Variants in EYS observed in about 807,000 individuals in gnomAD.
The protein encoded by EYS is EGF-like photoreceptor maintenance factor.
In EYS, 250 loss-of-function variants were observed where a neutral mutation model predicts 282.1. That is an observed-to-expected ratio of 0.89 (90% CI 0.80 to 0.98). The LOEUF (loss-of-function observed/expected upper bound fraction) is 0.98. Among genes scored for constraint, EYS ranks in the 50% least tolerant of loss-of-function variants. EYS has a pLI of 0.00. For missense variants in EYS, 4,016 were observed against 3,709.0 expected (o/e 1.08, Z -2.15); for synonymous variants, 1,355 against 1,282.9 (o/e 1.06, Z -1.20).
At chr6:65,155,006 C>A (rs1432309368) in intron 12 of EYS, among the ~76,000 whole-genome samples, 1 of 151,392 alleles carries the variant, frequency 6.6e-6, no homozygotes, top group African/African-American at 2.4e-5. Context: ...AAAATAAGCT[C>A]ATATAATACA....
At chr6:64,980,089 G>T (rs755659798) in intron 14 of EYS, among the ~76,000 whole-genome samples, 10 of 151,288 alleles carry the variant, frequency 6.6e-5, no homozygotes, top group Admixed American at 4.0e-4. Flanking sequence ...TAAAAGAAAA[G>T]GAAAGAAATA....
chr6:65,227,785 GACA>G (rs1338399923), intron 12 of EYS, among the ~76,000 whole-genome samples: 1 of 151,972 alleles, frequency 6.6e-6, no homozygotes, highest in African/African-American at 2.4e-5. Context: ...AATGAACTTA[GACA>G]ACATTATGCT....
At chr6:64,327,121 G>A (rs761856026) in intron 29 of EYS, among the ~76,000 whole-genome samples, 3 of 152,070 alleles carry the variant, frequency 2.0e-5, no homozygotes, top group Non-Finnish European at 2.9e-5. Context: ...GGGGAGGCAC[G>A]GATCTCTTAG....
intron 39 of EYS, among the ~76,000 whole-genome samples, chr6:63,782,953 CTTT>C (rs370852211): frequency 7.2e-6 from 1 of 139,368 alleles, no homozygotes; most frequent in African/African-American, 2.6e-5. Flanking sequence ...TGCAGTATAG[CTTT>C]TTTTTTTTTT....
intron 34 of EYS, among the ~76,000 whole-genome samples, chr6:63,984,848 ACACT>A (rs1767281929): frequency 6.6e-6 from 1 of 151,792 alleles, no homozygotes; most frequent in Non-Finnish European, 1.5e-5. Flanking sequence ...AGAAAAATAG[ACACT>A]CAGAAAAACT....
intron 5 of EYS, among the ~76,000 whole-genome samples, chr6:65,457,108 T>C (rs1354531649): frequency 6.6e-6 from 1 of 152,150 alleles, no homozygotes; most frequent in South Asian, 2.1e-4. Context: ...TAATTGCTGA[T>C]AGAAGACTCT....
rs184571323 is a variant in EYS, at chr6:65,001,382, A to T, written c.2138-3679T>A. 6.2e-5 allele frequency among the ~76,000 whole-genome samples: 9 copies of T among 145,456 alleles called. 1 individual carries two copies. The highest frequency in any genetic ancestry group is 2.2e-4 in the African/African-American group (9 of 40,792). On this transcript the variant is annotated intron_variant, in intron 13 of 42. Transcript: ENST00000503581. ...TGGAGTTGGGCCGCACAGTGGCCAA[A>T]CTCCTCTCTGACCACTCCCAAACTC... is the stretch of plus-strand genomic sequence containing the variant.
chr6:65,377,140 C>G (rs1403364311), intron 8 of EYS, among the ~76,000 whole-genome samples: 1 of 152,130 alleles, frequency 6.6e-6, no homozygotes, highest in Admixed American at 6.5e-5. Context: ...CACTCCTCAA[C>G]AAATGCAAAA....
At position 64,976,018 on chromosome 6, in the gene EYS, TTGAC is replaced by T. The variant is rs555396555; in HGVS notation, c.2259+21560_2259+21563del. Among the ~76,000 whole-genome samples, 249 of 151,980 alleles carry T rather than the reference TTGAC, an allele frequency of 1.6e-3. 1 individual carries two copies. Among genetic ancestry groups the T allele is most frequent in the African/African-American group, 5.9e-3 (243 of 41,530 alleles). On this transcript the variant is annotated intron_variant, in intron 14 of 42. Coordinates refer to ENST00000503581, the MANE Select transcript of EYS (RefSeq NM_001142800.2). ...AAATAACATTTTAAAATAAACTAGTTTGACTGAAAATATTTGCCTAACTTTATTA... is the reference window on the plus strand; with the variant it reads ...AAATAACATTTTAAAATAAACTAGTTTGAAAATATTTGCCTAACTTTATTA...
At chr6:64,874,746 C>A (rs1766692480) in intron 19 of EYS, among the ~76,000 whole-genome samples, 1 of 151,986 alleles carries the variant, frequency 6.6e-6, no homozygotes, top group Non-Finnish European at 1.5e-5. Flanking sequence ...ATAAGTAAAG[C>A]TGGTGATTAG....
At chr6:64,532,318 C>G (rs1289142222) in intron 26 of EYS, among the ~76,000 whole-genome samples, 1 of 152,176 alleles carries the variant, frequency 6.6e-6, no homozygotes, top group East Asian at 1.9e-4. Flanking sequence ...AAGCTGTGAT[C>G]AATTAACTCG....
At chr6:64,977,111 T>C (rs1178391652) in intron 14 of EYS, among the ~76,000 whole-genome samples, 1 of 151,962 alleles carries the variant, frequency 6.6e-6, no homozygotes, top group Non-Finnish European at 1.5e-5. Context: ...TAGGCTGGTC[T>C]TGAACTCCTG....
At chr6:65,097,092 A>G (rs1363613041) in intron 12 of EYS, among the ~76,000 whole-genome samples, 4 of 151,030 alleles carry the variant, frequency 2.6e-5, no homozygotes, top group African/African-American at 7.3e-5. Flanking sequence ...TGCAAAGCCC[A>G]TATCTGATAA....
At chr6:64,498,665 T>G (rs556855449) in intron 26 of EYS, among the ~76,000 whole-genome samples, 1 of 148,880 alleles carries the variant, frequency 6.7e-6, no homozygotes, top group African/African-American at 2.4e-5. Context: ...GATGTTCCCC[T>G]CCCTGTGTCC....
intron 19 of EYS, among the ~76,000 whole-genome samples, chr6:64,878,545 A>C (rs1289343795): frequency 6.6e-6 from 1 of 152,074 alleles, no homozygotes; most frequent in Non-Finnish European, 1.5e-5. Context: ...AGGCAGCACC[A>C]AGGGCTTTCT....
chr6:65,009,072 A>G (rs1771782241), intron 13 of EYS, among the ~76,000 whole-genome samples: 1 of 152,126 alleles, frequency 6.6e-6, no homozygotes, highest in Non-Finnish European at 1.5e-5. Flanking sequence ...AACATAGGAG[A>G]AGGAACACCC....
At chr6:64,617,585 C>T in intron 23 of EYS, 52 bp from the exon 24 acceptor site, 1 of 1,010,808 alleles carries the variant, frequency 9.9e-7, no homozygotes. Context: ...ATAATAAAAA[C>T]AGTTATGCTA....
At chr6:64,429,429 G>A (rs534687326) in intron 28 of EYS, among the ~76,000 whole-genome samples, 27 of 152,186 alleles carry the variant, frequency 1.8e-4, no homozygotes, top group African/African-American at 4.8e-4. Context: ...TCAGGAGTTC[G>A]AGACCAGGCT....
intron 31 of EYS, among the ~76,000 whole-genome samples, chr6:64,115,709 A>G (rs1249528816): frequency 2.0e-5 from 3 of 152,204 alleles, no homozygotes; most frequent in Admixed American, 6.5e-5. Flanking sequence ...CACTTAAACC[A>G]GTGCAAAAAG....
Sources: allele counts gnomAD v4.1 joint callset (sites outside exome capture counted in the v4.1 genomes callset), GRCh38; gene constraint gnomAD v4.1.1; transcripts MANE v1.5; gene names NCBI Gene and HGNC (gene_info 2026-07-23, HGNC 2026-07-21).